TTC39A: variants seen among roughly 807,000 people sequenced by gnomAD.
TTC39A encodes tetratricopeptide repeat protein 39A.
TTC39A carries 46 observed loss-of-function variants against 82.3 expected under a neutral mutation model. The ratio of observed to expected loss-of-function variants is 0.56; its 90% CI spans 0.44 to 0.71. The LOEUF is 0.71. Among genes scored for constraint, TTC39A ranks in the 30% least tolerant of loss-of-function variants. The pLI is 0.00. For missense variants in TTC39A, 543 were observed against 712.9 expected, an observed-to-expected ratio of 0.76 and a Z score of 2.71; for synonymous variants, 254 against 275.2, an observed-to-expected ratio of 0.92 and a Z score of 0.76.
chr1:51,342,989 G>T lies in TTC39A; in HGVS notation c.53+2002C>A, dbSNP rs1266774697. 6.6e-6 allele frequency: 3 copies of T among 453,454 alleles called. No individual in the cohort carries two copies. In the Admixed American group the frequency reaches 7.1e-5, roughly 11 times the overall value. 28.1% of individuals were successfully genotyped at this position (453,454 alleles called of 1,614,324 possible). ...CCTCTGCTCTCCCTGCACACTGAGA[G>T]GTGTGTAACATACATACACGGGAGA... On this transcript the variant is annotated intron_variant, in intron 1 of 5. Coordinates refer to the TTC39A transcript ENST00000401051.
intron 1 of TTC39A, among the ~76,000 whole-genome samples, chr1:51,341,323 A>G (rs1646034185): frequency 6.6e-6 from 1 of 152,138 alleles, no homozygotes; most frequent in African/African-American, 2.4e-5. Flanking sequence ...GTGGAGAAGC[A>G]GGTGAGCATT....
chr1:51,331,962 GAGGCTGGTGAGACCAC>G (rs1028710977), upstream of TTC39A: 13 of 320,042 alleles, frequency 4.1e-5, no homozygotes, highest in Middle Eastern at 1.5e-3. Flanking sequence ...GGGAAAGGGT[GAGGCTGGTGAGACCAC>G]AAGCAATACA....
chr1:51,330,675 C>A, upstream of TTC39A: 1 of 960,302 alleles, frequency 1.0e-6, no homozygotes, highest in Non-Finnish European at 1.2e-6. This position sits in a 1 kb window ranked among gnomAD's most constrained non-coding sequence, Gnocchi z 4.5. Flanking sequence ...CCGCCCGCGG[C>A]GACCCGCGCT....
At chr1:51,309,827 T>A (rs968591171) in intron 5 of TTC39A, among the ~76,000 whole-genome samples, 2 of 151,740 alleles carry the variant, frequency 1.3e-5, no homozygotes, top group Admixed American at 6.6e-5. Context: ...GAAGGACAGA[T>A]AAACAAACTG....
At chr1:51,344,059 A>C (rs1326907881) in intron 1 of TTC39A, among the ~76,000 whole-genome samples, 1 of 152,192 alleles carries the variant, frequency 6.6e-6, no homozygotes, top group African/African-American at 2.4e-5. Context: ...TAAAATCAAC[A>C]GGACTTGTAG....
chr1:51,316,620 C>A (rs901799276), intron 2 of TTC39A, among the ~76,000 whole-genome samples: 1 of 152,238 alleles, frequency 6.6e-6, no homozygotes, highest in East Asian at 1.9e-4. Flanking sequence ...CAGCCTCGGC[C>A]AGGCCTGGCA....
intron 2 of TTC39A, among the ~76,000 whole-genome samples, chr1:51,313,524 C>T (rs1438787023): frequency 3.9e-5 from 6 of 152,216 alleles, no homozygotes; most frequent in Non-Finnish European, 2.9e-5. Context: ...GGCTAAAGCT[C>T]CATGAGACGC....
chr1:51,330,610 A>G, upstream of TTC39A: 1 of 982,792 alleles, frequency 1.0e-6, no homozygotes, highest in Non-Finnish European at 1.2e-6. The surrounding 1 kb of genome is among the most constrained non-coding windows in gnomAD (Gnocchi z 4.5). Context: ...GGGGCGGGGA[A>G]GGCGGCGGGG....
At chr1:51,333,585 A>G (rs575538219), upstream of TTC39A, among the ~76,000 whole-genome samples, 1 of 152,346 alleles carries the variant, frequency 6.6e-6, no homozygotes, top group African/African-American at 2.4e-5. Context: ...TGCAGGTTTC[A>G]GTTCAGATGT....
At chr1:51,296,276 T>G (rs1325121610) in intron 12 of TTC39A, 106 bp from the exon 13 acceptor site, 2 of 1,061,900 alleles carry the variant, frequency 1.9e-6, no homozygotes, top group Non-Finnish European at 2.8e-6. Context: ...GAGCTCCCGT[T>G]GTCTCCAAGC....
intron 14 of TTC39A, among the ~76,000 whole-genome samples, chr1:51,293,765 C>A (rs181219537): frequency 4.3e-4 from 65 of 152,294 alleles, no homozygotes; most frequent in African/African-American, 1.5e-3. Context: ...GGGCTGTGGG[C>A]CCAGACTGCT....
rs1190594245 is a variant in TTC39A at position 51,330,311 on chromosome 1, G to T, written c.41+126C>A. The T allele has an allele frequency of 1.1e-6, 1 of 921,618 alleles. No homozygotes were observed. The highest frequency in any genetic ancestry group is 1.3e-6 in the Non-Finnish European group (1 of 772,672). 57.1% of individuals were successfully genotyped at this position (921,618 alleles called of 1,614,324 possible). ...GCGGCTGCCAGGGGCCGGGCGGGGT[G>T]GGGGCTGGAAGCCGCAGTGCGGCCC... On this transcript the variant is annotated intron_variant, in intron 1 of 17. Transcript: ENST00000680483. This position sits in a 1 kb window ranked among gnomAD's most constrained non-coding sequence, Gnocchi z 4.5.
At chr1:51,291,563 T>G (rs962345941) in intron 14 of TTC39A, among the ~76,000 whole-genome samples, 1 of 133,354 alleles carries the variant, frequency 7.5e-6, no homozygotes, top group Non-Finnish European at 1.5e-5. Flanking sequence ...GGCAGGTGGA[T>G]CATAATCACT....
chr1:51,290,764 A>G (rs1424301656), intron 14 of TTC39A, 139 bp from the exon 15 acceptor site: 4 of 654,558 alleles, frequency 6.1e-6, no homozygotes. Context: ...GGTCTCAGTC[A>G]GCCTGTGAAG....
chr1:51,303,253 G>A, intron 8 of TTC39A, 61 bp from the exon 9 acceptor site: 1 of 1,435,306 alleles, frequency 7.0e-7, no homozygotes, highest in Non-Finnish European at 9.5e-7. Flanking sequence ...GAGGCAGCTG[G>A]ACAGCTGTGT....
intron 9 of TTC39A, 97 bp downstream of exon 9, chr1:51,302,987 C>G: frequency 8.7e-7 from 1 of 1,144,226 alleles, no homozygotes; most frequent in East Asian, 2.6e-5. Flanking sequence ...ACCCCTATCC[C>G]TAGCCACAGG....
chr1:51,302,360 A>G lies in TTC39A; in HGVS notation c.888T>C (p.Asp296=), dbSNP rs572179017. 8.1e-6 allele frequency: 13 copies of G among 1,602,498 alleles called. No individual in the cohort carries two copies. In the South Asian group the frequency reaches 1.5e-4, roughly 18 times the overall value. The part of the protein sequence containing the change: ...GRIEVIKGNI[D]AAIRRFEECC... ...GGCCCGGACCCCCATCACTCACTGCATCAATGTTGCCTTTAATGACTTCAA... is the reference window on the plus strand; with the variant it reads ...GGCCCGGACCCCCATCACTCACTGCGTCAATGTTGCCTTTAATGACTTCAA... The change falls in exon 11 of 18, where the codon GAT becomes GAC. Residue 296 remains aspartate (D), a synonymous_variant. Transcript: ENST00000680483.
intron 1 of TTC39A, chr1:51,342,895 C>T (rs12072333): frequency 0.23 from 87,946 of 374,690 alleles, 13,943 homozygotes; most frequent in African/African-American, 0.56. Flanking sequence ...TTAGCGTCTA[C>T]CTCCCATTCC....
At chr1:51,335,577 A>T (rs1173096507), upstream of TTC39A, among the ~76,000 whole-genome samples, 9 of 151,712 alleles carry the variant, frequency 5.9e-5, no homozygotes, top group Non-Finnish European at 1.2e-4. Context: ...AAAAAAAAAA[A>T]AAAAGAGCCC....
Sources: gnomAD v4.1 joint callset for allele counts (sites outside exome capture counted in the v4.1 genomes callset) on GRCh38, gnomAD v4.1.1 for gene constraint, Gnocchi (gnomAD v3.1) non-coding constraint, MANE v1.5 for transcripts, NCBI Gene and HGNC (gene_info 2026-07-23, HGNC 2026-07-21) for gene names.